SLC41A2: variants seen among roughly 807,000 people sequenced by gnomAD.
SLC41A2 encodes the protein solute carrier family 41 member 2.
SLC41A2 carries 32 observed loss-of-function variants against 58.3 expected under a neutral mutation model. The ratio of observed to expected loss-of-function variants is 0.55; its 90% CI spans 0.41 to 0.74. SLC41A2 has a LOEUF of 0.74. Among genes scored for constraint, SLC41A2 ranks in the 30% least tolerant of loss-of-function variants. The pLI is 0.00. For missense variants in SLC41A2, 514 were observed against 680.6 expected (o/e 0.76, Z 2.72); for synonymous variants, 190 against 235.0 (o/e 0.81, Z 1.75).
chr12:104,946,692 T>C (rs959363675), intron 1 of SLC41A2, among the ~76,000 whole-genome samples: 36 of 152,260 alleles, frequency 2.4e-4, no homozygotes, highest in African/African-American at 6.0e-4. Flanking sequence ...ACTGAGATGT[T>C]TGCAATGCTT....
intron 8 of SLC41A2, among the ~76,000 whole-genome samples, chr12:104,851,450 T>C (rs887102944): frequency 1.2e-4 from 18 of 152,094 alleles, no homozygotes; most frequent in African/African-American, 4.3e-4. Flanking sequence ...GTTGCGTCAT[T>C]GTGGCTCACT....
At chr12:104,867,203 TTTGA>T (rs1256765700) in intron 6 of SLC41A2, among the ~76,000 whole-genome samples, 1 of 152,058 alleles carries the variant, frequency 6.6e-6, no homozygotes, top group Non-Finnish European at 1.5e-5. Flanking sequence ...AAAAACTAGG[TTTGA>T]TTCTCAATTC....
chr12:104,805,686 G>A (rs967887009), intron 10 of SLC41A2, among the ~76,000 whole-genome samples: 2 of 152,032 alleles, frequency 1.3e-5, no homozygotes, highest in African/African-American at 4.8e-5. Context: ...TATGAAGAAG[G>A]AAATAAAAAT....
rs1203734774 is a variant in SLC41A2 at position 104,803,958 on chromosome 12, AAATTATT to A, written c.*1187_*1193del. On this transcript the variant is annotated 3_prime_UTR_variant, in exon 11 of 11. Coordinates refer to ENST00000258538, the MANE Select transcript of SLC41A2 (RefSeq NM_001352171.3). ...AAATAGTACTACTTTTTAAAATAAGAAATTATTAATTATTAATTAGAGTGTAGGTAAC... is the reference window on the plus strand; with the variant it reads ...AAATAGTACTACTTTTTAAAATAAGAAATTATTAATTAGAGTGTAGGTAAC... The A allele has an allele frequency of 1.3e-5, 2 of 151,856 alleles. No homozygotes were observed. The highest frequency in any genetic ancestry group is 6.6e-5 in the Admixed American group (1 of 15,224). 9.4% of individuals were successfully genotyped at this position (151,856 alleles called of 1,614,324 possible).
chr12:104,846,069 G>T, intron 8 of SLC41A2, 95 bp from the exon 9 acceptor site: 1 of 1,267,488 alleles, frequency 7.9e-7, no homozygotes, highest in Non-Finnish European at 1.1e-6. Flanking sequence ...AACATTCTGG[G>T]CCAATAAAAC....
At chr12:104,806,524 T>A (rs539946643) in intron 10 of SLC41A2, among the ~76,000 whole-genome samples, 31 of 152,248 alleles carry the variant, frequency 2.0e-4, no homozygotes, top group Non-Finnish European at 4.0e-4. Context: ...GCAATAAACA[T>A]ACATGTGCAT....
intron 10 of SLC41A2, among the ~76,000 whole-genome samples, chr12:104,820,342 A>G (rs538058671): frequency 6.6e-6 from 1 of 152,338 alleles, no homozygotes; most frequent in East Asian, 1.9e-4. Context: ...GCACACCTGT[A>G]GTTCTAGCTA....
chr12:104,938,053 T>C (rs2047352686), intron 1 of SLC41A2, among the ~76,000 whole-genome samples: 1 of 151,960 alleles, frequency 6.6e-6, no homozygotes, highest in South Asian at 2.1e-4. Context: ...AAATTCACAC[T>C]GTACACCGGA....
At chr12:104,833,267 T>C (rs12579202) in intron 10 of SLC41A2, among the ~76,000 whole-genome samples, 1 of 152,188 alleles carries the variant, frequency 6.6e-6, no homozygotes, top group Non-Finnish European at 1.5e-5. Flanking sequence ...CAATCAATGA[T>C]AGTCCTTGTT....
intron 8 of SLC41A2, among the ~76,000 whole-genome samples, chr12:104,854,901 C>G (rs935600184): frequency 6.6e-6 from 1 of 151,968 alleles, no homozygotes; most frequent in African/African-American, 2.4e-5. Context: ...TTTCACCTGT[C>G]TTTCTTCAAG....
intron 2 of SLC41A2, among the ~76,000 whole-genome samples, chr12:104,920,335 T>A (rs1330633314): frequency 1.3e-5 from 2 of 152,136 alleles, no homozygotes. Context: ...AAAGTCTTGC[T>A]GGAATTTAAA....
chr12:104,846,535 A>C (rs940761620), intron 8 of SLC41A2, among the ~76,000 whole-genome samples: 12 of 152,246 alleles, frequency 7.9e-5, no homozygotes, highest in Admixed American at 1.3e-4. Flanking sequence ...GTTAAGCCAT[A>C]AAAGTGAGTA....
chr12:104,904,546 G>C (rs1565889233), intron 3 of SLC41A2, among the ~76,000 whole-genome samples: 1 of 152,238 alleles, frequency 6.6e-6, no homozygotes, highest in African/African-American at 2.4e-5. Context: ...GAATTGGTGG[G>C]TTCTTGGTCT....
chr12:104,818,372 AT>A (rs2041498161), intron 10 of SLC41A2, among the ~76,000 whole-genome samples: 1 of 152,240 alleles, frequency 6.6e-6, no homozygotes. Context: ...ATCCTCTGAA[AT>A]TTAACTCAAT....
At chr12:104,925,358 A>G (rs1314395177) in intron 2 of SLC41A2, among the ~76,000 whole-genome samples, 2 of 152,116 alleles carry the variant, frequency 1.3e-5, no homozygotes, top group Non-Finnish European at 2.9e-5. Context: ...GGAAATTGAG[A>G]CCATCCTGGC....
At chr12:104,924,987 G>C (rs563561673) in intron 2 of SLC41A2, among the ~76,000 whole-genome samples, 16 of 151,890 alleles carry the variant, frequency 1.1e-4, no homozygotes, top group Non-Finnish European at 2.4e-4. Flanking sequence ...GTTGTTTAGG[G>C]ATACACACTT....
chr12:104,906,561 G>A (rs913882470), intron 3 of SLC41A2, among the ~76,000 whole-genome samples: 3 of 152,060 alleles, frequency 2.0e-5, no homozygotes, highest in Non-Finnish European at 4.4e-5. Context: ...ATCTGATCTT[G>A]GACTTCCAGG....
At chr12:104,838,846 C>T (rs1034606283) in intron 10 of SLC41A2, among the ~76,000 whole-genome samples, 1 of 152,096 alleles carries the variant, frequency 6.6e-6, no homozygotes, top group East Asian at 1.9e-4. Flanking sequence ...AGGGACAATA[C>T]CTTTTATTTC....
At chr12:104,913,107 T>C (rs1431618488) in intron 2 of SLC41A2, among the ~76,000 whole-genome samples, 4 of 152,178 alleles carry the variant, frequency 2.6e-5, no homozygotes, top group African/African-American at 9.6e-5. Flanking sequence ...ACCTCAGCAT[T>C]GGTGTGACAA....
Sources: allele counts gnomAD v4.1 joint callset (sites outside exome capture counted in the v4.1 genomes callset), GRCh38; gene constraint gnomAD v4.1.1; transcripts MANE v1.5; gene names NCBI Gene and HGNC (gene_info 2026-07-23, HGNC 2026-07-21).